CD226: variants seen among roughly 807,000 people sequenced by gnomAD.
CD226 encodes CD226 antigen.
CD226 carries 24 observed loss-of-function variants against 34.9 expected under a neutral mutation model. The observed-to-expected ratio is 0.69, with a 90% CI of 0.50 to 0.97. The LOEUF (loss-of-function observed/expected upper bound fraction) is 0.97, where lower values mean the gene tolerates loss of function less well. CD226 is among the 50% of genes least tolerant of loss of function. The probability of loss-of-function intolerance (pLI) is 0.00; values close to 1 mark genes in which losing one functional copy is unlikely to be tolerated. For missense variants in CD226, 397 were observed against 412.7 expected (o/e 0.96, Z 0.33); for synonymous variants, 148 against 147.4 (o/e 1.00, Z -0.03).
At position 69,855,421 on chromosome 18, in the gene CD226, A is replaced by G. The variant is rs1261090315; in HGVS notation, c.*8893T>C. The G allele has an allele frequency of 1.3e-5, 2 of 152,248 alleles. No homozygotes were observed. Among genetic ancestry groups the G allele is most frequent in the Non-Finnish European group, 2.9e-5 (2 of 68,030 alleles). 9.4% of individuals were successfully genotyped at this position (152,248 alleles called of 1,614,324 possible). ...ACTTGGAACCCCGAAGGAAGAATGA[A>G]TGACTTTGAAGCTAGGCCAATAGAA... is the stretch of plus-strand genomic sequence containing the variant. On this transcript the variant is annotated 3_prime_UTR_variant, in exon 6 of 6. Transcript: ENST00000582621.
intron 2 of CD226, among the ~76,000 whole-genome samples, chr18:69,911,529 CA>C (rs891723189): frequency 8.5e-5 from 13 of 152,134 alleles, no homozygotes; most frequent in African/African-American, 3.1e-4. Context: ...AGAGTGGGCA[CA>C]ACTGATGCGG....
chr18:69,916,449 AT>A (rs1233666883), intron 2 of CD226, among the ~76,000 whole-genome samples: 1 of 152,214 alleles, frequency 6.6e-6, no homozygotes, highest in East Asian at 1.9e-4. Context: ...AAGGTAAAAT[AT>A]AGGCTGTCAG....
chr18:69,929,882 TTCTC>T (rs979855911), intron 2 of CD226, among the ~76,000 whole-genome samples: 1 of 152,322 alleles, frequency 6.6e-6, no homozygotes, highest in East Asian at 1.9e-4. Context: ...ATTTCTCAAT[TTCTC>T]TCTCTGTCTC....
chr18:69,920,598 A>G (rs2055439395), intron 2 of CD226, among the ~76,000 whole-genome samples: 1 of 152,160 alleles, frequency 6.6e-6, no homozygotes, highest in Non-Finnish European at 1.5e-5. Context: ...TCATTCTTCT[A>G]TATGTTGTTA....
At chr18:69,888,416 CTTTTTTTTT>C (rs397771802) in intron 3 of CD226, among the ~76,000 whole-genome samples, 2 of 125,050 alleles carry the variant, frequency 1.6e-5, no homozygotes, top group African/African-American at 3.0e-5. Flanking sequence ...TTTCCTTTCT[CTTTTTTTTT>C]TTTTTTTTTT....
At chr18:69,881,109 CAT>C (rs777513753) in intron 3 of CD226, among the ~76,000 whole-genome samples, 2 of 152,154 alleles carry the variant, frequency 1.3e-5, no homozygotes, top group South Asian at 4.1e-4. Flanking sequence ...ACATTGTATA[CAT>C]ATGTCAAAAT....
At chr18:69,922,753 C>T (rs530944133) in intron 2 of CD226, among the ~76,000 whole-genome samples, 21 of 152,274 alleles carry the variant, frequency 1.4e-4, no homozygotes, top group African/African-American at 3.9e-4. Context: ...TGGGGCCCTT[C>T]GCAGTCTACC....
intron 4 of CD226, among the ~76,000 whole-genome samples, chr18:69,867,953 A>C (rs996629041): frequency 2.6e-5 from 4 of 152,186 alleles, no homozygotes; most frequent in Non-Finnish European, 5.9e-5. Flanking sequence ...ACTTGTCCCA[A>C]ATCACATGAT....
intron 2 of CD226, among the ~76,000 whole-genome samples, chr18:69,904,369 G>A (rs888870622): frequency 4.6e-5 from 7 of 152,246 alleles, no homozygotes; most frequent in East Asian, 1.9e-4. Flanking sequence ...TGCAGGCCCC[G>A]GCAGCTTTGT....
upstream of CD226, among the ~76,000 whole-genome samples, chr18:69,952,063 G>GTA (rs879422789): frequency 2.0e-5 from 3 of 152,074 alleles, no homozygotes; most frequent in Non-Finnish European, 2.9e-5. Context: ...AGAAACTGTG[G>GTA]TATATATCCA....
chr18:69,916,537 T>C (rs889832792), intron 2 of CD226, among the ~76,000 whole-genome samples: 4 of 152,250 alleles, frequency 2.6e-5, no homozygotes, highest in African/African-American at 9.6e-5. Flanking sequence ...GAAACAATGA[T>C]GTGTTTGATT....
At chr18:69,870,155 C>G (rs1186818443) in intron 4 of CD226, among the ~76,000 whole-genome samples, 3 of 151,912 alleles carry the variant, frequency 2.0e-5, no homozygotes, top group Non-Finnish European at 4.4e-5. Flanking sequence ...GGTTCCCTAT[C>G]CATTAATGCC....
At chr18:69,942,453 C>G (rs960012445) in intron 2 of CD226, among the ~76,000 whole-genome samples, 9 of 152,194 alleles carry the variant, frequency 5.9e-5, no homozygotes, top group Non-Finnish European at 1.0e-4. Context: ...TTTTGTGTGT[C>G]TCTCTAAAAA....
intron 2 of CD226, among the ~76,000 whole-genome samples, chr18:69,926,243 G>A (rs914391649): frequency 2.6e-5 from 4 of 151,984 alleles, no homozygotes; most frequent in Admixed American, 1.3e-4. Flanking sequence ...GTTTCAGGAT[G>A]ATGGGCTGCT....
rs1982528823 is a variant in CD226 at position 69,853,407 on chromosome 18, T to C, written c.*10907A>G. The C allele has an allele frequency of 6.6e-6, 1 of 152,192 alleles. No individual in the cohort carries two copies. Among genetic ancestry groups the C allele is most frequent in the African/African-American group, 2.4e-5 (1 of 41,446 alleles). The allele number at this position is 152,192 out of a possible 1,614,324, so 9.4% of individuals were successfully genotyped here. ...CCTCTGTTGTGTTCATCTTCCTTCC[T>C]ATTGTGTTTTTTTCTCAGAAGCCTA... On this transcript the variant is annotated 3_prime_UTR_variant, in exon 6 of 6. Coordinates refer to ENST00000582621, the MANE Select transcript of CD226 (RefSeq NM_001303618.2).
intron 2 of CD226, among the ~76,000 whole-genome samples, chr18:69,905,076 C>A (rs1200899599): frequency 6.6e-6 from 1 of 152,176 alleles, no homozygotes; most frequent in African/African-American, 2.4e-5. Context: ...TGCATTTAGT[C>A]CCCACAAATA....
At chr18:69,924,029 G>A (rs576269108) in intron 2 of CD226, among the ~76,000 whole-genome samples, 6 of 150,268 alleles carry the variant, frequency 4.0e-5, no homozygotes, top group Non-Finnish European at 8.9e-5. Context: ...ATCATTTATC[G>A]AGGATGGCTT....
intron 4 of CD226, 108 bp from the exon 5 acceptor site, chr18:69,867,519 T>TA: frequency 1.5e-6 from 1 of 683,870 alleles, no homozygotes; most frequent in South Asian, 2.0e-5. Flanking sequence ...CACCTTCTAA[T>TA]ATGTTGAAGT....
intron 2 of CD226, among the ~76,000 whole-genome samples, chr18:69,914,763 G>A (rs1421458082): frequency 1.3e-5 from 2 of 152,090 alleles, no homozygotes; most frequent in African/African-American, 4.8e-5. Context: ...CCCAAATTCT[G>A]AGCCAAATCT....
Sources: allele counts gnomAD v4.1 joint callset (sites outside exome capture counted in the v4.1 genomes callset), GRCh38; gene constraint gnomAD v4.1.1; transcripts MANE v1.5; gene names NCBI Gene and HGNC (gene_info 2026-07-23, HGNC 2026-07-21).